Variants in SPO11 observed in about 807,000 individuals in gnomAD.
SPO11 encodes SPO11 initiator of meiotic double strand breaks.
A neutral mutation model predicts 51.6 loss-of-function variants in SPO11; 49 were observed. The observed-to-expected ratio is 0.95, with a 90% confidence interval of 0.75 to 1.20. The LOEUF (loss-of-function observed/expected upper bound fraction) is 1.20. Among genes scored for constraint, SPO11 ranks in the 50% most tolerant of loss-of-function variants. The pLI, the probability that SPO11 is intolerant of heterozygous loss-of-function variation, is 0.00. For missense variants in SPO11, 431 were observed against 473.4 expected (o/e 0.91, Z 0.83); for synonymous variants, 176 against 158.2 (o/e 1.11, Z -0.84).
At chr20:57,333,810 A>G in intron 4 of SPO11, 57 bp downstream of exon 4, 17 of 1,081,972 alleles carry the variant, frequency 1.6e-5, no homozygotes, top group Non-Finnish European at 2.2e-5. Context: ...AAATAGTTGG[A>G]TTAACTTTTA....
chr20:57,329,857 C>A lies in SPO11; in HGVS notation c.-11C>A, dbSNP rs2066420526. The A allele has an allele frequency of 6.2e-7, 1 of 1,610,376 alleles. No individual in the cohort carries two copies. The highest frequency in any genetic ancestry group is 1.3e-5 in the African/African-American group (1 of 74,866). ...AGGGGCTTCTGGAGCTTCTGGCAGC[C>A]GTCTGCCCTCATGGCCTTTGCACCT... is the stretch of plus-strand genomic sequence containing the variant. On this transcript the variant is annotated 5_prime_UTR_variant, in exon 1 of 13. Coordinates refer to ENST00000371263, the MANE Select transcript of SPO11 (RefSeq NM_012444.3).
chr20:57,332,437 G>C (rs1023345833), intron 2 of SPO11, among the ~76,000 whole-genome samples: 3 of 152,174 alleles, frequency 2.0e-5, no homozygotes, highest in African/African-American at 7.2e-5. Flanking sequence ...TAAATCATGT[G>C]TCCAAAAAGG....
At position 57,334,079 on chromosome 20, in the gene SPO11, G is replaced by C; in HGVS notation, c.494G>C (p.Arg165Thr). The C allele has an allele frequency of 6.4e-7, 1 of 1,567,608 alleles. No homozygotes were observed. Among genetic ancestry groups the C allele is most frequent in the Non-Finnish European group, 8.7e-7 (1 of 1,149,518 alleles). ...NDISCMLKVSRRSLHILSTSK... is the reference protein window; with the variant it reads ...NDISCMLKVSTRSLHILSTSK... ...ATTTCTTGCATGTTAAAAGTGTCAA[G>C]GAGGAGTCTACATATAGTAAGTAGT... Residue 165 changes from arginine (R) to threonine (T), a missense_variant, in exon 5 of 13, where the codon AGG (arginine) becomes ACG (threonine). Arg to Thr is a moderately conservative substitution (Grantham distance 71). This residue lies in a region of SPO11 where 405 missense variants were observed against 425.9 expected (regional missense o/e 0.95). Coordinates refer to ENST00000371263, the MANE Select transcript of SPO11 (RefSeq NM_012444.3).
At chr20:57,331,757 G>T in intron 1 of SPO11, 76 bp from the exon 2 acceptor site, 1 of 724,860 alleles carries the variant, frequency 1.4e-6, no homozygotes, top group Non-Finnish European at 2.2e-6. Flanking sequence ...CTTTAGTATT[G>T]ATCTGGGAAA....
chr20:57,334,865 C>T (rs773128846), intron 6 of SPO11, 29 bp downstream of exon 6: 2 of 1,577,174 alleles, frequency 1.3e-6, no homozygotes, highest in Non-Finnish European at 8.7e-7. Context: ...GTTTTCACAG[C>T]TTTAACTCTT....
chr20:57,338,735 G>A (rs377739330), intron 9 of SPO11, among the ~76,000 whole-genome samples: 7 of 151,988 alleles, frequency 4.6e-5, no homozygotes, highest in Non-Finnish European at 1.0e-4. Flanking sequence ...AGGAACCACC[G>A]TGCCCAGCCT....
intron 11 of SPO11, among the ~76,000 whole-genome samples, chr20:57,340,883 TATC>T (rs1443561261): frequency 2.0e-5 from 3 of 152,038 alleles, no homozygotes; most frequent in African/African-American, 4.8e-5. Flanking sequence ...AAAAGAAAAA[TATC>T]ATTTTAAGAG....
chr20:57,332,124 G>C (rs2066457621), intron 2 of SPO11, among the ~76,000 whole-genome samples, 178 bp downstream of exon 2: 1 of 152,158 alleles, frequency 6.6e-6, no homozygotes, highest in African/African-American at 2.4e-5. Flanking sequence ...CTAGAAGTAG[G>C]TGTGAAAGAT....
At chr20:57,338,132 C>CTACCTTGG in intron 8 of SPO11, 144 bp from the exon 9 acceptor site, 2 of 637,784 alleles carry the variant, frequency 3.1e-6, no homozygotes, top group Middle Eastern at 4.3e-4. Flanking sequence ...GGTGATCGAT[C>CTACCTTGG]CCCCTACCTT....
chr20:57,334,121 T>C, intron 5 of SPO11, 26 bp downstream of exon 5: 1 of 1,187,888 alleles, frequency 8.4e-7, no homozygotes, highest in South Asian at 1.7e-5. Context: ...TACAAAACAT[T>C]TTATTTTAAA....
intron 1 of SPO11, among the ~76,000 whole-genome samples, chr20:57,330,509 CAT>C (rs1379218904): frequency 6.6e-6 from 1 of 151,988 alleles, no homozygotes; most frequent in African/African-American, 2.4e-5. Flanking sequence ...AATAAGACAA[CAT>C]GTTTAATTGT....
At chr20:57,333,393 C>T (rs1326847808) in intron 3 of SPO11, 117 bp downstream of exon 3, 4 of 697,386 alleles carry the variant, frequency 5.7e-6, no homozygotes, top group Non-Finnish European at 2.4e-6. Flanking sequence ...CACTTTCATA[C>T]ATAAAATAAA....
At chr20:57,334,901 A>C in intron 6 of SPO11, 65 bp downstream of exon 6, 1 of 1,379,738 alleles carries the variant, frequency 7.2e-7, no homozygotes. Flanking sequence ...TTGAAGCATA[A>C]TTTTATTTCT....
Position 57,333,697 on chromosome 20 carries a change from TA to T in SPO11, c.349del (p.Ile117TyrfsTer4). 6.7e-7 allele frequency: 1 copy of T among 1,498,750 alleles called. No homozygotes were observed. Among genetic ancestry groups the T allele is most frequent in the Non-Finnish European group, 9.2e-7 (1 of 1,082,380 alleles). The allele number at this position is 1,498,750 out of a possible 1,614,324, so 92.8% of individuals were successfully genotyped here. A position where few individuals can be genotyped will look rare whatever the true frequency, so the allele number is the denominator to read the frequency against. ...AATTTTATTTTCCAGCTCTAATCCTTAAAATATTGTCCATGATTTATAAATT... is the reference window on the plus strand; with the variant it reads ...AATTTTATTTTCCAGCTCTAATCCTTAAATATTGTCCATGATTTATAAATT... Reference protein sequence around the residue: ...KSAQKFSLILKILSMIYKLVQ... With the variant: ...KSAQKFSLILXILSMIYKLVQ... On this transcript the variant is annotated frameshift_variant, in exon 4 of 13. Transcript: ENST00000371263. LOFTEE classifies it high-confidence loss of function.
intron 8 of SPO11, 125 bp from the exon 9 acceptor site, chr20:57,338,151 A>G (rs2066535729): frequency 2.7e-6 from 2 of 738,696 alleles, no homozygotes; most frequent in Non-Finnish European, 4.4e-6. Context: ...TTGGCCTCCC[A>G]ACGTGCTGGG....
intron 5 of SPO11, 30 bp from the exon 6 acceptor site, chr20:57,334,719 AG>A: frequency 6.5e-7 from 1 of 1,540,804 alleles, no homozygotes; most frequent in Non-Finnish European, 9.0e-7. Context: ...TTCGTGAAGC[AG>A]GTTTCAAATA....
rs754115667 is a variant in SPO11 at position 57,338,270 on chromosome 20, T to C, written c.745-6T>C. ...TTAAAATTCTTAATTTTCATCTTCC[T>C]TTTAGGGAAAGGGAGTTCCTGATCT... On this transcript the variant is annotated splice_region_variant and splice_polypyrimidine_tract_variant and intron_variant, in intron 8 of 12. Transcript: ENST00000371263. 1.3e-6 allele frequency: 2 copies of C among 1,591,522 alleles called. No homozygotes were observed. Among genetic ancestry groups the C allele is most frequent in the Non-Finnish European group, 1.7e-6 (2 of 1,162,050 alleles).
intron 9 of SPO11, 69 bp downstream of exon 9, chr20:57,338,444 CTCTT>C (rs2066540077): frequency 2.5e-6 from 3 of 1,201,668 alleles, no homozygotes; most frequent in South Asian, 1.4e-5. Context: ...TGTTTTCTTC[CTCTT>C]TTTTTTTTTT....
Position 57,334,107 on chromosome 20 carries a change from C to T in SPO11, c.510+12C>T, listed in dbSNP as rs753752651. The T allele has an allele frequency of 2.4e-6, 3 of 1,243,746 alleles. No homozygotes were observed. Among genetic ancestry groups the T allele is most frequent in the Non-Finnish European group, 3.4e-6 (3 of 894,024 alleles). 77.0% of individuals were successfully genotyped at this position (1,243,746 alleles called of 1,614,324 possible). On this transcript the variant is annotated intron_variant, in intron 5 of 12. Coordinates refer to ENST00000371263, the MANE Select transcript of SPO11 (RefSeq NM_012444.3). ...GGAGTCTACATATAGTAAGTAGTAC[C>T]TAATACAAAACATTTTATTTTAAAA...
Sources: gnomAD v4.1 joint callset for allele counts (sites outside exome capture counted in the v4.1 genomes callset) on GRCh38, gnomAD v4.1.1 for gene constraint, gnomAD v4.1.1 regional missense constraint, MANE v1.5 for transcripts, NCBI Gene and HGNC (gene_info 2026-07-23, HGNC 2026-07-21) for gene names.